FSIP2: variants seen among roughly 807,000 people sequenced by gnomAD.
FSIP2 encodes the protein fibrous sheath-interacting protein 2.
Under a neutral mutation model 510.5 loss-of-function variants are expected in FSIP2, and 367 were observed. The observed-to-expected ratio is 0.72, with a 90% CI of 0.66 to 0.78. The LOEUF is 0.78. Ranked by LOEUF, FSIP2 falls within the 30% of genes least tolerant of loss-of-function variation. FSIP2 has a pLI of 0.00. For missense variants in FSIP2, 7,594 were observed against 7,901.7 expected, an observed-to-expected ratio of 0.96 and a Z score of 1.48; for synonymous variants, 2,601 against 2,732.2, an observed-to-expected ratio of 0.95 and a Z score of 1.50.
At chr2:185,757,249 C>T (rs1364865407) in intron 9 of FSIP2, among the ~76,000 whole-genome samples, 1 of 151,342 alleles carries the variant, frequency 6.6e-6, no homozygotes, top group Non-Finnish European at 1.5e-5. Flanking sequence ...TTACTGTTGT[C>T]AAAGAACCTC....
chr2:185,759,532 CTTT>C (rs1466437801), intron 9 of FSIP2, among the ~76,000 whole-genome samples: 1 of 141,698 alleles, frequency 7.1e-6, no homozygotes, highest in Non-Finnish European at 1.5e-5. Context: ...AGATAATTAA[CTTT>C]TTTATAATTA....
At position 185,800,082 on chromosome 2, in the gene FSIP2, T is replaced by G; in HGVS notation, c.10776T>G (p.Cys3592Trp). The change falls in exon 17 of 23, where the codon TGT becomes TGG. Residue 3592 changes from cysteine (C) to tryptophan (W), a missense_variant. Coordinates refer to ENST00000424728, the MANE Select transcript of FSIP2 (RefSeq NM_173651.4). ...CCATACCTACAAAATACACTTACTG[T>G]CCAGGAATAGTTTCTGGTGGCTTTG... is the stretch of plus-strand genomic sequence containing the variant. ...MVAIPTKYTYCPGIVSGGFDD... is the reference protein window; with the variant it reads ...MVAIPTKYTYWPGIVSGGFDD... The G allele has an allele frequency of 6.5e-7, 1 of 1,533,062 alleles. No homozygotes were observed. Among genetic ancestry groups the G allele is most frequent in the Non-Finnish European group, 8.7e-7 (1 of 1,144,654 alleles). The allele number at this position is 1,533,062 out of a possible 1,614,324, so 95.0% of individuals were successfully genotyped here.
In FSIP2 at chr2:185,770,207, T is replaced by G. The variant is rs578035817; in HGVS notation, c.1411+5642T>G. Among the ~76,000 whole-genome samples, 7 of 152,338 alleles carry G rather than the reference T, an allele frequency of 4.6e-5. No individual in the cohort carries two copies. In the East Asian group the frequency reaches 1.4e-3, roughly 29 times the overall value. The stretch of plus-strand genomic sequence containing the variant: ...TATTAATTCTTCCTATCTATGAGCA[T>G]AGTACCTTTTTCTACTTGTTTGTGT... On this transcript the variant is annotated intron_variant, in intron 13 of 22. Transcript: ENST00000424728.
rs577505494 is a variant in FSIP2 at position 185,831,912 on chromosome 2, G to A, written c.20587+30G>A. 50 of 1,308,264 alleles carry A rather than the reference G, an allele frequency of 3.8e-5. No homozygotes were observed. The South Asian group carries it at 5.0e-4, about 13-fold the overall frequency. The allele number at this position is 1,308,264 out of a possible 1,614,324, so 81.0% of individuals were successfully genotyped here. On this transcript the variant is annotated intron_variant, in intron 22 of 22. Transcript: ENST00000424728. ...AAAATGTACTATTTTAACAACTGGTGTAATTAAACTGTCAATTGCATCATT... is the reference window on the plus strand; with the variant it reads ...AAAATGTACTATTTTAACAACTGGTATAATTAAACTGTCAATTGCATCATT...
At chr2:185,810,035 T>G (rs1436635300) in intron 17 of FSIP2, among the ~76,000 whole-genome samples, 1 of 152,088 alleles carries the variant, frequency 6.6e-6, no homozygotes, top group Non-Finnish European at 1.5e-5. Flanking sequence ...CTTAGGCATG[T>G]AGTCTGTAGC....
At position 185,805,376 on chromosome 2, in the gene FSIP2, A is replaced by T; in HGVS notation, c.16070A>T (p.Glu5357Val). ...TVDKISNFVY[E>V]QFIEKCTSHD... Reference sequence around the variant, plus strand: ...GATAAAATATCCAATTTTGTATATGAACAGTTCATAGAAAAATGCACATCT... The same window carrying T: ...GATAAAATATCCAATTTTGTATATGTACAGTTCATAGAAAAATGCACATCT... The change falls in exon 17 of 23, where the codon GAA (glutamate) becomes GTA (valine). Residue 5357 changes from glutamate (E) to valine (V), a missense_variant. Physicochemically the swap from Glu to Val is moderately radical, Grantham distance 121. Transcript: ENST00000424728. 1 of 1,599,836 alleles carries T rather than the reference A, an allele frequency of 6.3e-7. No individual in the cohort carries two copies. Among genetic ancestry groups the T allele is most frequent in the Non-Finnish European group, 8.5e-7 (1 of 1,174,390 alleles).
chr2:185,813,732 A>C lies in FSIP2; in HGVS notation c.20015A>C (p.Gln6672Pro). Residue 6672 changes from glutamine (Q) to proline (P), a missense_variant, in exon 18 of 23, where the codon CAG becomes CCG. Physicochemically the swap from Gln to Pro is moderately conservative, Grantham distance 76. Transcript: ENST00000424728. ...GATGAAGATGAAGTTGTTTTAACAC[A>C]GACTTTTGCAAAAGAAGAAGGCATC... ...DSDEDEVVLT[Q>P]TFAKEEGIKV... 1 of 1,612,266 alleles carries C rather than the reference A, an allele frequency of 6.2e-7. No individual in the cohort carries two copies. The highest frequency in any genetic ancestry group is 2.2e-5 in the East Asian group (1 of 44,684).
chr2:185,807,162 A>T lies in FSIP2; in HGVS notation c.17856A>T (p.Ala5952=), dbSNP rs1251382827. ...GENLARRLTS[A]VINEIFQRQV... is the part of the protein sequence containing the mutation. ...ATTTAGCAAGAAGACTAACTAGTGC[A>T]GTGATAAATGAAATTTTCCAACGTC... The change falls in exon 17 of 23, where the codon GCA becomes GCT. Residue 5952 remains alanine (A), a synonymous_variant. Coordinates refer to ENST00000424728, the MANE Select transcript of FSIP2 (RefSeq NM_173651.4). The T allele has an allele frequency of 8.7e-6, 14 of 1,602,784 alleles. No individual in the cohort carries two copies. The highest frequency in any genetic ancestry group is 1.1e-5 in the South Asian group (1 of 88,662).
intron 19 of FSIP2, among the ~76,000 whole-genome samples, chr2:185,820,041 G>T (rs548640240): frequency 1.3e-5 from 2 of 151,780 alleles, no homozygotes; most frequent in Non-Finnish European, 2.9e-5. Context: ...AAACAAAATT[G>T]GGAAATAGAG....
At chr2:185,763,013 T>C (rs1441548055) in intron 11 of FSIP2, among the ~76,000 whole-genome samples, 170 bp from the exon 12 acceptor site, 3 of 151,492 alleles carry the variant, frequency 2.0e-5, no homozygotes, top group Non-Finnish European at 3.0e-5. Flanking sequence ...AAAAAAGACG[T>C]GTTATTTTTG....
At position 185,799,832 on chromosome 2, in the gene FSIP2, A is replaced by G. The variant is rs930088603; in HGVS notation, c.10526A>G (p.His3509Arg). 15 of 1,532,534 alleles carry G rather than the reference A, an allele frequency of 9.8e-6. No homozygotes were observed. Among genetic ancestry groups the G allele is most frequent in the South Asian group, 2.4e-5 (2 of 83,852 alleles). The allele number at this position is 1,532,534 out of a possible 1,614,324, so 94.9% of individuals were successfully genotyped here. A position where few individuals can be genotyped will look rare whatever the true frequency, so the allele number is the denominator to read the frequency against. The change falls in exon 17 of 23, where the codon CAT (histidine) becomes CGT (arginine). Residue 3509 changes from histidine (H) to arginine (R), a missense_variant. Coordinates refer to ENST00000424728, the MANE Select transcript of FSIP2 (RefSeq NM_173651.4). ...CATCTCACTGAGTCAGTACTTTACC[A>G]TTTAACTTCGAGCATTTCTGATGGC... ...CEHLTESVLY[H>R]LTSSISDGTK...
At chr2:185,771,701 T>C (rs1382361144) in intron 13 of FSIP2, among the ~76,000 whole-genome samples, 2 of 152,180 alleles carry the variant, frequency 1.3e-5, no homozygotes, top group African/African-American at 2.4e-5. Context: ...TTCCATTGTC[T>C]TGGTTGTTAA....
At position 185,817,967 on chromosome 2, in the gene FSIP2, G is replaced by A. The variant is rs374745303; in HGVS notation, c.20426+2496G>A. Among the ~76,000 whole-genome samples, 49 of 151,978 alleles carry A rather than the reference G, an allele frequency of 3.2e-4. No individual in the cohort carries two copies. The East Asian group carries it at 4.3e-3, about 13-fold the overall frequency. On this transcript the variant is annotated intron_variant, in intron 19 of 22. Coordinates refer to ENST00000424728, the MANE Select transcript of FSIP2 (RefSeq NM_173651.4). ...TTAACAATAATTTATTGTATATGCC[G>A]AAATAACTAAAAGAGAAGAATTGGA...
chr2:185,769,092 C>T (rs567819307), intron 13 of FSIP2, among the ~76,000 whole-genome samples: 1 of 152,268 alleles, frequency 6.6e-6, no homozygotes, highest in East Asian at 1.9e-4. Flanking sequence ...CTGCAATGAA[C>T]ATACACATGC....
chr2:185,753,644 G>T (rs1419326782), intron 7 of FSIP2, 78 bp from the exon 8 acceptor site: 5 of 670,434 alleles, frequency 7.5e-6, no homozygotes, highest in Non-Finnish European at 6.9e-6. Context: ...TCAAAATATT[G>T]TCACATTTTA....
intron 9 of FSIP2, among the ~76,000 whole-genome samples, chr2:185,757,333 C>T (rs879444537): frequency 1.3e-5 from 2 of 151,284 alleles, no homozygotes; most frequent in African/African-American, 4.8e-5. Context: ...TTTATCGTGA[C>T]AATTGTCTGG....
Position 185,763,275 on chromosome 2 carries a change from C to T in FSIP2, c.1333C>T (p.Pro445Ser), listed in dbSNP as rs182434513. Reference sequence around the variant, plus strand: ...CAGAGTTTCACAGGCATTTTTGGATCCTTCAAAAGAAGAGGTATATAACAG... The same window carrying T: ...CAGAGTTTCACAGGCATTTTTGGATTCTTCAAAAGAAGAGGTATATAACAG... ...FSRVSQAFLD[P>S]SKEEKETNAD... Residue 445 changes from proline (P) to serine (S), a missense_variant, in exon 12 of 23, where the codon CCT becomes TCT. Coordinates refer to ENST00000424728, the MANE Select transcript of FSIP2 (RefSeq NM_173651.4). The T allele has an allele frequency of 1.4e-6, 2 of 1,452,868 alleles. No homozygotes were observed. The highest frequency in any genetic ancestry group is 2.5e-5 in the East Asian group (1 of 40,452). The allele number at this position is 1,452,868 out of a possible 1,614,324, so 90.0% of individuals were successfully genotyped here. A position where few individuals can be genotyped will look rare whatever the true frequency, so the allele number is the denominator to read the frequency against.
chr2:185,753,787 C>G lies in FSIP2; in HGVS notation c.936C>G (p.Asn312Lys). The G allele has an allele frequency of 6.8e-7, 1 of 1,466,758 alleles. No homozygotes were observed. Among genetic ancestry groups the G allele is most frequent in the Non-Finnish European group, 9.1e-7 (1 of 1,098,876 alleles). 90.9% of individuals were successfully genotyped at this position (1,466,758 alleles called of 1,614,324 possible). A position where few individuals can be genotyped will look rare whatever the true frequency, so the allele number is the denominator to read the frequency against. The change falls in exon 8 of 23, where the codon AAC (asparagine) becomes AAG (lysine). Residue 312 changes from asparagine (N) to lysine (K), a missense_variant. Coordinates refer to ENST00000424728, the MANE Select transcript of FSIP2 (RefSeq NM_173651.4). ...HLQKMQDTGFNGEDIGKNTFK... is the reference protein window; with the variant it reads ...HLQKMQDTGFKGEDIGKNTFK... ...AAAAAATGCAAGATACTGGCTTTAA[C>G]GGAGAAGATATAGGAAAAAATACAT...
Position 185,795,367 on chromosome 2 carries a change from T to C in FSIP2, c.8231T>C (p.Ile2744Thr), listed in dbSNP as rs1559029277. ...AAAATATATGCCAAGGATATAATAA[T>C]TAACATCCTAGAAACAATTGTGAAG... ...ELKIYAKDII[I>T]NILETIVKEF... The change falls in exon 16 of 23, where the codon ATT (isoleucine) becomes ACT (threonine). Residue 2744 changes from isoleucine to threonine, a missense_variant. Transcript: ENST00000424728. The C allele has an allele frequency of 6.5e-7, 1 of 1,534,672 alleles. No homozygotes were observed. Among genetic ancestry groups the C allele is most frequent in the African/African-American group, 1.4e-5 (1 of 72,998 alleles).
Sources: allele counts gnomAD v4.1 joint callset (sites outside exome capture counted in the v4.1 genomes callset), GRCh38; gene constraint gnomAD v4.1.1; transcripts MANE v1.5; gene names NCBI Gene and HGNC (gene_info 2026-07-23, HGNC 2026-07-21).